Variants in MAL observed in about 807,000 individuals in gnomAD.
The protein encoded by MAL is mal, T cell differentiation protein (MAL blood group), also known as myelin and lymphocyte protein.
A neutral mutation model predicts 16.7 loss-of-function variants in MAL; 5 were observed. The observed-to-expected ratio is 0.30, with a 90% confidence interval of 0.16 to 0.63. The LOEUF is 0.63. Among genes scored for constraint, MAL ranks in the 30% least tolerant of loss-of-function variants. MAL has a pLI of 0.82. For synonymous variants in MAL, 96 were observed against 85.5 expected, an observed-to-expected ratio of 1.12 and a Z score of -0.67; for missense variants, 202 against 195.8, an observed-to-expected ratio of 1.03 and a Z score of -0.19.
chr2:95,025,836 G>A lies in MAL; in HGVS notation c.44G>A (p.Gly15Asp), dbSNP rs1343587464. Residue 15 changes from glycine to aspartate, a missense_variant, in exon 1 of 4, where the codon GGC becomes GAC. Coordinates refer to ENST00000309988, the MANE Select transcript of MAL (RefSeq NM_002371.4). The surrounding 1 kb of genome is among the most constrained non-coding windows in gnomAD (Gnocchi z 5.6). The stretch of plus-strand genomic sequence containing the variant: ...ACGGGGGGCAGCACCCTGCCCAGTG[G>A]CTTCTCGGTCTTCACCACCTTGCCC... ...AATGGSTLPSGFSVFTTLPDL... is the reference protein window; with the variant it reads ...AATGGSTLPSDFSVFTTLPDL... The A allele has an allele frequency of 2.5e-6, 4 of 1,578,726 alleles. No homozygotes were observed. Among genetic ancestry groups the A allele is most frequent in the East Asian group, 2.4e-5 (1 of 42,264 alleles).
chr2:95,029,644 T>C (rs1436402462), intron 1 of MAL, among the ~76,000 whole-genome samples: 1 of 152,224 alleles, frequency 6.6e-6, no homozygotes, highest in African/African-American at 2.4e-5. Context: ...ATGCACATTG[T>C]CATTTTCCCA....
intron 3 of MAL, among the ~76,000 whole-genome samples, chr2:95,049,977 C>T (rs1400276108): frequency 1.3e-5 from 2 of 152,214 alleles, no homozygotes; most frequent in Admixed American, 1.3e-4. Flanking sequence ...TGCGGCTGCC[C>T]AGCGCCCTGT....
intron 1 of MAL, among the ~76,000 whole-genome samples, chr2:95,037,564 G>A (rs1216674928): frequency 3.3e-5 from 5 of 151,116 alleles, no homozygotes; most frequent in Non-Finnish European, 7.4e-5. Flanking sequence ...GAGTGACTGA[G>A]TGAGTGAGTG....
chr2:95,040,691 G>A (rs1486063084), intron 1 of MAL, among the ~76,000 whole-genome samples: 1 of 152,196 alleles, frequency 6.6e-6, no homozygotes, highest in East Asian at 1.9e-4. Flanking sequence ...AGGGCTGGGA[G>A]CTTCCCGCAG....
intron 1 of MAL, among the ~76,000 whole-genome samples, chr2:95,035,470 G>A (rs1037310038): frequency 3.3e-5 from 5 of 152,086 alleles, no homozygotes; most frequent in Admixed American, 6.5e-5. Context: ...TGTGCATTCA[G>A]GAACTAGTGA....
chr2:95,028,166 A>C (rs1453038416), intron 1 of MAL, among the ~76,000 whole-genome samples: 4 of 149,766 alleles, frequency 2.7e-5, no homozygotes, highest in African/African-American at 4.9e-5. Context: ...AAAAAAAAAA[A>C]AAAAAAAAAA....
intron 1 of MAL, among the ~76,000 whole-genome samples, chr2:95,027,137 C>T (rs2104323256): frequency 1.3e-5 from 2 of 152,216 alleles, no homozygotes; most frequent in Middle Eastern, 3.4e-3. Context: ...GCAGCCCCAC[C>T]GTTTACAGAG....
intron 1 of MAL, among the ~76,000 whole-genome samples, chr2:95,031,428 G>A (rs1674075897): frequency 6.6e-6 from 1 of 152,178 alleles, no homozygotes; most frequent in African/African-American, 2.4e-5. Flanking sequence ...CGAGGTCCAG[G>A]GCAGGTTGAA....
intron 1 of MAL, among the ~76,000 whole-genome samples, chr2:95,034,848 T>G (rs1349571820): frequency 1.3e-5 from 2 of 152,176 alleles, no homozygotes; most frequent in Admixed American, 6.5e-5. Context: ...AAGCCCACCC[T>G]TCTAGCACCC....
At chr2:95,028,172 A>AG (rs1270919607) in intron 1 of MAL, among the ~76,000 whole-genome samples, 2 of 150,158 alleles carry the variant, frequency 1.3e-5, no homozygotes, top group Admixed American at 6.6e-5. Flanking sequence ...AAAAAAAAAA[A>AG]AAAACCCGGC....
At chr2:95,035,576 A>AG (rs1383889368) in intron 1 of MAL, among the ~76,000 whole-genome samples, 3 of 151,904 alleles carry the variant, frequency 2.0e-5, no homozygotes, top group East Asian at 1.9e-4. Context: ...CTGGGGCTCA[A>AG]GGGGGGTGAG....
intron 1 of MAL, among the ~76,000 whole-genome samples, chr2:95,037,384 T>TGAGTGAGTGAGTGAGTGAGTGAGTGAG (rs1674252664): frequency 2.2e-5 from 1 of 44,838 alleles, no homozygotes; most frequent in African/African-American, 9.0e-5. Context: ...GACTGAGTGA[T>TGAGTGAGTGAGTGAGTGAGTGAGTGAG]TGACTGAGTG....
chr2:95,040,700 A>C (rs1321825344), intron 1 of MAL, among the ~76,000 whole-genome samples: 2 of 152,168 alleles, frequency 1.3e-5, no homozygotes, highest in Admixed American at 1.3e-4. Context: ...AGCTTCCCGC[A>C]GTCCTCCCAG....
intron 2 of MAL, 122 bp from the exon 3 acceptor site, chr2:95,049,459 G>T: frequency 7.7e-7 from 1 of 1,291,844 alleles, no homozygotes; most frequent in East Asian, 2.4e-5. Context: ...ACAAGGTTGG[G>T]AGGGGTGGGA....
At chr2:95,051,249 G>C in intron 3 of MAL, 1 of 152,196 alleles carries the variant, frequency 6.6e-6, no homozygotes, top group South Asian at 2.1e-4. Flanking sequence ...ACAGCTTGAT[G>C]GATTTCATAC....
At chr2:95,037,944 CTGAG>C (rs1248083451) in intron 1 of MAL, among the ~76,000 whole-genome samples, 3 of 67,334 alleles carry the variant, frequency 4.5e-5, no homozygotes, top group East Asian at 4.7e-4. Flanking sequence ...GAGTGAGTAA[CTGAG>C]TGAGTGAGTG....
At chr2:95,036,397 G>A (rs767424279) in intron 1 of MAL, among the ~76,000 whole-genome samples, 3 of 152,174 alleles carry the variant, frequency 2.0e-5, no homozygotes, top group Non-Finnish European at 2.9e-5. Context: ...GGTCACCATT[G>A]CTCAGACACT....
intron 2 of MAL, 140 bp from the exon 3 acceptor site, chr2:95,049,441 C>A (rs1674663365): frequency 1.8e-6 from 2 of 1,095,516 alleles, no homozygotes; most frequent in Non-Finnish European, 2.6e-6. Context: ...AGGCATGGGA[C>A]CTCCGTGACA....
At chr2:95,049,035 TCTCAAGTCCTGGC>T (rs1463929695) in intron 2 of MAL, among the ~76,000 whole-genome samples, 1 of 152,074 alleles carries the variant, frequency 6.6e-6, no homozygotes, top group Non-Finnish European at 1.5e-5. Flanking sequence ...CCCAGGCTGG[TCTCAAGTCCTGGC>T]CTCAAGAGAT....
Sources: allele counts gnomAD v4.1 joint callset (sites outside exome capture counted in the v4.1 genomes callset), GRCh38; gene constraint gnomAD v4.1.1; non-coding constraint Gnocchi (gnomAD v3.1); transcripts MANE v1.5; gene names NCBI Gene and HGNC (gene_info 2026-07-23, HGNC 2026-07-21).